The following UBR3 variants were observed in gnomAD, a reference collection of about 807,000 sequenced individuals.
The protein encoded by UBR3 is E3 ubiquitin-protein ligase UBR3.
Under a neutral mutation model 243.2 loss-of-function variants are expected in UBR3, and 85 were observed. The observed-to-expected ratio is 0.35, with a 90% CI of 0.29 to 0.42. The LOEUF (loss-of-function observed/expected upper bound fraction) is 0.42, where lower values mean the gene tolerates loss of function less well. UBR3 is among the 10% of genes least tolerant of loss of function. The pLI, the probability that UBR3 is intolerant of heterozygous loss-of-function variation, is 1.00. For missense variants in UBR3, 1,686 were observed against 2,300.8 expected (o/e 0.73, Z 5.47); for synonymous variants, 748 against 799.8 (o/e 0.94, Z 1.09).
chr2:169,985,580 T>C (rs2088965150), intron 24 of UBR3, among the ~76,000 whole-genome samples: 1 of 152,132 alleles, frequency 6.6e-6, no homozygotes, highest in Non-Finnish European at 1.5e-5. Flanking sequence ...TGAAATCTTC[T>C]TTTCATTTTG....
chr2:169,854,383 C>T (rs1162329484), intron 1 of UBR3, among the ~76,000 whole-genome samples: 1 of 152,122 alleles, frequency 6.6e-6, no homozygotes, highest in African/African-American at 2.4e-5. Context: ...GACTCAATTT[C>T]CCATCCTGTA....
chr2:169,874,263 G>A (rs532938968), intron 2 of UBR3, among the ~76,000 whole-genome samples: 60 of 151,964 alleles, frequency 3.9e-4, no homozygotes, highest in Middle Eastern at 6.8e-3. Context: ...CCGCCTCCTG[G>A]GTTCAAGTGA....
chr2:169,878,070 A>G (rs1351209180), intron 4 of UBR3, among the ~76,000 whole-genome samples: 1 of 152,188 alleles, frequency 6.6e-6, no homozygotes, highest in East Asian at 1.9e-4. Flanking sequence ...TTTGAGATAA[A>G]TGTTGGAGGC....
At chr2:169,978,547 C>CT (rs1286568269) in intron 24 of UBR3, among the ~76,000 whole-genome samples, 1 of 152,006 alleles carries the variant, frequency 6.6e-6, no homozygotes, top group Non-Finnish European at 1.5e-5. Flanking sequence ...ATTTGGGAGT[C>CT]TGAGCCAGTA....
chr2:169,838,370 G>A (rs957898264), intron 1 of UBR3, among the ~76,000 whole-genome samples: 1 of 150,650 alleles, frequency 6.6e-6, no homozygotes, highest in Non-Finnish European at 1.5e-5. Flanking sequence ...AAGCTGGGAA[G>A]TCCAAGATTA....
At chr2:169,927,994 A>T (rs992508978) in intron 17 of UBR3, among the ~76,000 whole-genome samples, 12 of 152,236 alleles carry the variant, frequency 7.9e-5, no homozygotes, top group Admixed American at 4.6e-4. Context: ...ATTTTGTGAT[A>T]AAAATTCTGG....
In UBR3 at chr2:170,055,469, C is replaced by A. The variant is rs1366325357; in HGVS notation, c.4670C>A (p.Thr1557Asn). The stretch of plus-strand genomic sequence containing the variant: ...TTTTTTTCTCTTGCAGACCACTTTA[C>A]CTGCATTGTGAAGGTACTTTTTACC... ...MPQPLRKDHF[T>N]CIVKVLFTLL... Residue 1557 changes from threonine (T) to asparagine (N), a missense_variant, in exon 33 of 39, where the codon ACC (threonine) becomes AAC (asparagine). Physicochemically the swap from Thr to Asn is moderately conservative, Grantham distance 65. Transcript: ENST00000272793. 1.9e-6 allele frequency: 3 copies of A among 1,612,700 alleles called. No homozygotes were observed. Among genetic ancestry groups the A allele is most frequent in the Non-Finnish European group, 2.5e-6 (3 of 1,179,376 alleles).
At chr2:170,052,413 A>G (rs550650395) in intron 32 of UBR3, among the ~76,000 whole-genome samples, 1 of 152,336 alleles carries the variant, frequency 6.6e-6, no homozygotes, top group East Asian at 1.9e-4. Context: ...CATGTTCATT[A>G]TGGCTTTAAT....
intron 24 of UBR3, among the ~76,000 whole-genome samples, chr2:169,961,009 T>G (rs1450516893): frequency 6.6e-6 from 1 of 152,166 alleles, no homozygotes; most frequent in East Asian, 1.9e-4. Flanking sequence ...TGTTTCTATA[T>G]GGACCATGAC....
At chr2:170,008,348 C>T (rs578210822) in intron 28 of UBR3, among the ~76,000 whole-genome samples, 7 of 152,098 alleles carry the variant, frequency 4.6e-5, no homozygotes, top group Non-Finnish European at 1.0e-4. Context: ...CTTTCTCAAG[C>T]GAAGACTAAT....
chr2:169,902,277 C>T (rs1370337076), intron 8 of UBR3, among the ~76,000 whole-genome samples: 1 of 152,172 alleles, frequency 6.6e-6, no homozygotes, highest in Non-Finnish European at 1.5e-5. Context: ...AAACCATGGC[C>T]ATCTCTAAGC....
chr2:169,836,061 ATATATATTTTTTT>A (rs1558999007), intron 1 of UBR3, among the ~76,000 whole-genome samples: 6 of 33,990 alleles, frequency 1.8e-4, no homozygotes, highest in African/African-American at 4.8e-4. Context: ...ATATATATAT[ATATATATTTTTTT>A]TTTTTTTTTT....
Position 170,008,896 on chromosome 2 carries a change from G to A in UBR3, c.4323G>A (p.Pro1441=), listed in dbSNP as rs143438707. The A allele has an allele frequency of 1.4e-3, 2,221 of 1,598,726 alleles. 4 individuals carry two copies. The highest frequency in any genetic ancestry group is 1.7e-3 in the Non-Finnish European group (1,987 of 1,173,404). The change falls in exon 29 of 39, where the codon CCG becomes CCA. Residue 1441 remains proline, a synonymous_variant. Coordinates refer to ENST00000272793, the MANE Select transcript of UBR3 (RefSeq NM_172070.4). Reference sequence around the variant, plus strand: ...AATATAGAGACTATAGCAAGACCCCGGGCTCACCAGACAATGATTTTCTCT... The same window carrying A: ...AATATAGAGACTATAGCAAGACCCCAGGCTCACCAGACAATGATTTTCTCT... The part of the protein sequence containing the change: ...QKKYRDYSKT[P]GSPDNDFLFM...
intron 1 of UBR3, among the ~76,000 whole-genome samples, chr2:169,849,366 A>G (rs1261523130): frequency 1.3e-5 from 2 of 152,286 alleles, no homozygotes; most frequent in African/African-American, 4.8e-5. Flanking sequence ...AGGGGCTCAC[A>G]CAACCTCTTC....
At position 169,878,553 on chromosome 2, in the gene UBR3, A is replaced by G. The variant is rs2083703994; in HGVS notation, c.1017A>G (p.Gly339=). The change falls in exon 5 of 39, where the codon GGA becomes GGG. Residue 339 remains glycine (G), a synonymous_variant. Coordinates refer to ENST00000272793, the MANE Select transcript of UBR3 (RefSeq NM_172070.4). ...TCATAGGCGCAACAGGAACTTTGGGACAAGTGGATTCTTCAGATGAGGTGA... is the reference window on the plus strand; with the variant it reads ...TCATAGGCGCAACAGGAACTTTGGGGCAAGTGGATTCTTCAGATGAGGTGA... ...QGFIGATGTL[G]QVDSSDEDDQ... is the part of the protein sequence containing the mutation. 3.2e-6 allele frequency: 5 copies of G among 1,551,318 alleles called. No homozygotes were observed. In the African/African-American group the frequency reaches 6.8e-5, roughly 21 times the overall value.
At chr2:169,876,536 G>T (rs184891608) in intron 3 of UBR3, among the ~76,000 whole-genome samples, 6,614 of 132,838 alleles carry the variant, frequency 0.05, 169 homozygotes, top group Middle Eastern at 0.073. Flanking sequence ...TCTCTTTATT[G>T]TATTGTATTG....
At chr2:169,907,247 G>A (rs947744141) in intron 10 of UBR3, among the ~76,000 whole-genome samples, 2 of 151,358 alleles carry the variant, frequency 1.3e-5, no homozygotes, top group East Asian at 3.9e-4. Context: ...ATGTTGTCCC[G>A]GTTCAAATTT....
chr2:169,929,584 A>G (rs1264556475), intron 18 of UBR3, among the ~76,000 whole-genome samples: 2 of 152,166 alleles, frequency 1.3e-5, no homozygotes, highest in Non-Finnish European at 2.9e-5. Context: ...TCTCAAAAAA[A>G]AAAAGTCCAC....
At chr2:169,939,027 A>G (rs2086460909) in intron 19 of UBR3, among the ~76,000 whole-genome samples, 1 of 152,030 alleles carries the variant, frequency 6.6e-6, no homozygotes. Flanking sequence ...TTACTAAGTT[A>G]TATTTTTCTA....
Sources: gnomAD v4.1 joint callset for allele counts (sites outside exome capture counted in the v4.1 genomes callset) on GRCh38, gnomAD v4.1.1 for gene constraint, MANE v1.5 for transcripts, NCBI Gene and HGNC (gene_info 2026-07-23, HGNC 2026-07-21) for gene names.